The following SLCO1C1 variants were observed in gnomAD, a reference collection of about 807,000 sequenced individuals.
SLCO1C1 encodes solute carrier organic anion transporter family member 1C1.
A neutral mutation model predicts 76.4 loss-of-function variants in SLCO1C1; 70 were observed. That is an observed-to-expected ratio of 0.92 (90% CI 0.76 to 1.12). The LOEUF (loss-of-function observed/expected upper bound fraction) is 1.12, where lower values mean the gene tolerates loss of function less well. SLCO1C1 is among the 50% of genes most tolerant of loss of function. The pLI is 0.00. For synonymous variants in SLCO1C1, 306 were observed against 286.1 expected, an observed-to-expected ratio of 1.07 and a Z score of -0.70; for missense variants, 912 against 823.8, an observed-to-expected ratio of 1.11 and a Z score of -1.31.
intron 5 of SLCO1C1, among the ~76,000 whole-genome samples, chr12:20,714,488 T>C (rs1947273474): frequency 6.6e-6 from 1 of 152,234 alleles, no homozygotes; most frequent in South Asian, 2.1e-4. Flanking sequence ...AATTTTACTC[T>C]AAAAATGCTG....
At chr12:20,743,146 C>T (rs1438358017) in intron 12 of SLCO1C1, among the ~76,000 whole-genome samples, 159 bp from the exon 13 acceptor site, 2 of 152,056 alleles carry the variant, frequency 1.3e-5, no homozygotes, top group South Asian at 2.1e-4. Context: ...GTGGCTTTTA[C>T]GTATTTTGCC....
intron 13 of SLCO1C1, among the ~76,000 whole-genome samples, chr12:20,749,038 C>G (rs981417904): frequency 3.3e-5 from 5 of 152,052 alleles, no homozygotes; most frequent in Non-Finnish European, 4.4e-5. Flanking sequence ...TAGCAGCCAT[C>G]GATGAGTCTG....
chr12:20,741,587 A>G (rs1184888562), intron 12 of SLCO1C1, among the ~76,000 whole-genome samples: 5 of 152,136 alleles, frequency 3.3e-5, no homozygotes, highest in African/African-American at 4.8e-5. Flanking sequence ...TTCTTCCTGT[A>G]TTTATATCAT....
At chr12:20,744,090 G>A (rs1195536813) in intron 13 of SLCO1C1, among the ~76,000 whole-genome samples, 1 of 151,980 alleles carries the variant, frequency 6.6e-6, no homozygotes, top group Non-Finnish European at 1.5e-5. Context: ...CATAGATCTT[G>A]ATATAAAATG....
Position 20,703,955 on chromosome 12 carries a change from C to CTGTGTGTGTGTGTG in SLCO1C1, c.272-1975_272-1962dup, listed in dbSNP as rs146325219. On this transcript the variant is annotated intron_variant, in intron 3 of 14. Coordinates refer to ENST00000266509, the MANE Select transcript of SLCO1C1 (RefSeq NM_017435.5). ...TTTTTTTCTGTTATCTCGAGTGTGT[C>CTGTGTGTGTGTGTG]TGTGTGTGTGTGTGTGTGTGTGTGT... Among the ~76,000 whole-genome samples the CTGTGTGTGTGTGTG allele has an allele frequency of 6.3e-3, 878 of 140,346 alleles. 7 individuals carry two copies. Among genetic ancestry groups the CTGTGTGTGTGTGTG allele is most frequent in the African/African-American group, 0.02 (781 of 38,290 alleles). The allele number at this position is 140,346 out of a possible 152,430, so 92.1% of individuals were successfully genotyped here.
At chr12:20,713,681 G>A (rs1043788119) in intron 5 of SLCO1C1, among the ~76,000 whole-genome samples, 9 of 152,190 alleles carry the variant, frequency 5.9e-5, no homozygotes, top group Admixed American at 5.9e-4. Context: ...ACAATCTACA[G>A]CAGAGCTGTC....
chr12:20,703,396 T>C (rs201751361), intron 3 of SLCO1C1, among the ~76,000 whole-genome samples: 1 of 109,722 alleles, frequency 9.1e-6, no homozygotes, highest in East Asian at 3.3e-4. Context: ...TCTTTGCAAC[T>C]CTTAGATTTT....
chr12:20,701,166 G>A (rs907212576), intron 2 of SLCO1C1, 152 bp from the exon 3 acceptor site: 81 of 713,538 alleles, frequency 1.1e-4, no homozygotes, highest in African/African-American at 1.1e-3. Context: ...TGGAAACCTC[G>A]AACAGTGTTT....
chr12:20,741,228 A>G (rs1948804417), intron 12 of SLCO1C1, among the ~76,000 whole-genome samples: 1 of 152,160 alleles, frequency 6.6e-6, no homozygotes, highest in Non-Finnish European at 1.5e-5. Context: ...TGTGGGGATT[A>G]CAATTTGGAT....
chr12:20,740,781 T>TATATATA (rs1555138845), intron 12 of SLCO1C1, among the ~76,000 whole-genome samples: 1 of 16,802 alleles, frequency 6.0e-5, no homozygotes, highest in Non-Finnish European at 1.6e-4. Flanking sequence ...TTAGAATTTA[T>TATATATA]TTTATTTATA....
chr12:20,730,831 A>G (rs2120814143), intron 9 of SLCO1C1, among the ~76,000 whole-genome samples: 1 of 152,318 alleles, frequency 6.6e-6, no homozygotes, highest in South Asian at 2.1e-4. Flanking sequence ...TCTGTCCTGC[A>G]GTCCCCAGCT....
intron 9 of SLCO1C1, among the ~76,000 whole-genome samples, chr12:20,724,897 TATAC>T (rs1442562296): frequency 6.9e-6 from 1 of 145,382 alleles, no homozygotes; most frequent in Non-Finnish European, 1.5e-5. Context: ...TGAAAATAAT[TATAC>T]ATACAATTAT....
At chr12:20,752,257 T>C (rs969918826) in intron 14 of SLCO1C1, 49 bp from the exon 15 acceptor site, 17 of 1,278,690 alleles carry the variant, frequency 1.3e-5, no homozygotes, top group Non-Finnish European at 1.8e-5. Flanking sequence ...AAATTTTCTT[T>C]CAAGTTGGTT....
chr12:20,723,513 T>C (rs979295753), intron 9 of SLCO1C1, among the ~76,000 whole-genome samples: 3 of 152,172 alleles, frequency 2.0e-5, no homozygotes, highest in Non-Finnish European at 4.4e-5. Flanking sequence ...TACTGGATAT[T>C]TGTCTTTTAA....
intron 13 of SLCO1C1, among the ~76,000 whole-genome samples, chr12:20,745,092 T>A (rs551052121): frequency 1.8e-4 from 27 of 152,222 alleles, no homozygotes; most frequent in African/African-American, 6.5e-4. Flanking sequence ...TGCTCTTTTT[T>A]AAAAAAGAAA....
At chr12:20,734,907 A>G (rs1016776632) in intron 10 of SLCO1C1, among the ~76,000 whole-genome samples, 1 of 152,166 alleles carries the variant, frequency 6.6e-6, no homozygotes, top group Non-Finnish European at 1.5e-5. Flanking sequence ...TATTCTTAAC[A>G]AGGGCAAAGA....
chr12:20,711,934 T>A (rs1947129122), intron 5 of SLCO1C1, among the ~76,000 whole-genome samples: 1 of 152,146 alleles, frequency 6.6e-6, no homozygotes, highest in Non-Finnish European at 1.5e-5. Flanking sequence ...GTCCGCAACC[T>A]CCCTTTTTGT....
intron 2 of SLCO1C1, among the ~76,000 whole-genome samples, 177 bp from the exon 3 acceptor site, chr12:20,701,141 A>G (rs1946504939): frequency 6.6e-6 from 1 of 152,082 alleles, no homozygotes; most frequent in South Asian, 2.1e-4. Context: ...GAAAACTTAC[A>G]GTGCTTAAGG....
chr12:20,722,010 C>A lies in SLCO1C1; in HGVS notation c.982C>A (p.Pro328Thr). 1 of 1,613,842 alleles carries A rather than the reference C, an allele frequency of 6.2e-7. No individual in the cohort carries two copies. Among genetic ancestry groups the A allele is most frequent in the Non-Finnish European group, 8.5e-7 (1 of 1,179,948 alleles). ...IIDDHTDYQT[P>T]QGENAKIMEM... ...AGATGATCACACAGACTACCAAACA[C>A]CCCAGGGAGAAAATGCAAAAATAAT... Residue 328 changes from proline to threonine, a missense_variant, in exon 8 of 15, where the codon CCC becomes ACC. Transcript: ENST00000266509.
Sources: allele counts gnomAD v4.1 joint callset (sites outside exome capture counted in the v4.1 genomes callset), GRCh38; gene constraint gnomAD v4.1.1; transcripts MANE v1.5; gene names NCBI Gene and HGNC (gene_info 2026-07-23, HGNC 2026-07-21).